Variants in COLEC10 observed in about 807,000 individuals in gnomAD.
The protein encoded by COLEC10 is collectin subfamily member 10, also known as collectin-10.
A neutral mutation model predicts 28.4 loss-of-function variants in COLEC10; 22 were observed. The observed-to-expected ratio is 0.78, with a 90% CI of 0.55 to 1.11. The LOEUF (loss-of-function observed/expected upper bound fraction) is 1.11. Among genes scored for constraint, COLEC10 ranks in the 50% least tolerant of loss-of-function variants. The pLI is 0.00. For synonymous variants in COLEC10, 125 were observed against 116.1 expected, an observed-to-expected ratio of 1.08 and a Z score of -0.49; for missense variants, 361 against 344.1, an observed-to-expected ratio of 1.05 and a Z score of -0.39.
At chr8:119,086,382 G>A (rs1004212017) in intron 1 of COLEC10, among the ~76,000 whole-genome samples, 16 of 92,912 alleles carry the variant, frequency 1.7e-4, no homozygotes, top group African/African-American at 5.1e-4. Context: ...CCAGGTCGGC[G>A]GGGAGGTGGG....
chr8:118,974,293 G>T, the COLEC10 span, among the ~76,000 whole-genome samples: 1 of 151,896 alleles, frequency 6.6e-6, no homozygotes, highest in South Asian at 2.1e-4. Context: ...AATACATGAA[G>T]ACCTATTTGT....
chr8:118,975,841 T>C, the COLEC10 span, among the ~76,000 whole-genome samples: 2 of 151,954 alleles, frequency 1.3e-5, no homozygotes, highest in Admixed American at 6.6e-5. Flanking sequence ...GGAAAGAAGG[T>C]AGTGTTAATT....
At chr8:118,988,946 T>G in the COLEC10 span, among the ~76,000 whole-genome samples, 1 of 152,156 alleles carries the variant, frequency 6.6e-6, no homozygotes, top group Non-Finnish European at 1.5e-5. Flanking sequence ...TCATAAGGCA[T>G]GCCAAAAGGC....
At chr8:119,105,295 T>C (rs913053935) in intron 5 of COLEC10, among the ~76,000 whole-genome samples, 2 of 152,024 alleles carry the variant, frequency 1.3e-5, no homozygotes, top group Non-Finnish European at 2.9e-5. Context: ...AAAGGGGCAA[T>C]GGAAACTCGG....
At chr8:118,990,953 C>G (rs978751543), upstream of COLEC10, among the ~76,000 whole-genome samples, 14 of 150,858 alleles carry the variant, frequency 9.3e-5, no homozygotes, top group African/African-American at 3.2e-4. Context: ...AGTACTCTTT[C>G]TTTTAGGGAA....
At chr8:118,955,983 C>G in the COLEC10 span, among the ~76,000 whole-genome samples, 4 of 152,146 alleles carry the variant, frequency 2.6e-5, no homozygotes, top group Non-Finnish European at 5.9e-5. Context: ...AACTGGGTGT[C>G]AAATTTAAGC....
intron 2 of COLEC10, among the ~76,000 whole-genome samples, chr8:119,026,941 G>T (rs1814202377): frequency 6.6e-6 from 1 of 152,152 alleles, no homozygotes; most frequent in Admixed American, 6.5e-5. Context: ...GAGGCTGATT[G>T]CTGGGGGCTG....
chr8:119,054,122 G>A (rs1338259659), intron 2 of COLEC10, among the ~76,000 whole-genome samples: 1 of 152,014 alleles, frequency 6.6e-6, no homozygotes, highest in Non-Finnish European at 1.5e-5. Context: ...TAACGACCAG[G>A]TAGCTAGTCA....
chr8:119,017,069 T>G (rs1814004436), intron 2 of COLEC10, among the ~76,000 whole-genome samples: 1 of 152,190 alleles, frequency 6.6e-6, no homozygotes, highest in African/African-American at 2.4e-5. Flanking sequence ...TATCTCATTG[T>G]GGTTTTGATT....
chr8:119,096,000 T>G (rs1815708541), intron 3 of COLEC10, among the ~76,000 whole-genome samples: 1 of 152,158 alleles, frequency 6.6e-6, no homozygotes, highest in African/African-American at 2.4e-5. Flanking sequence ...GACACTATTT[T>G]GTAATAGAAT....
At chr8:119,098,783 C>T (rs1301485249) in intron 3 of COLEC10, among the ~76,000 whole-genome samples, 4 of 152,074 alleles carry the variant, frequency 2.6e-5, no homozygotes, top group Non-Finnish European at 4.4e-5. Flanking sequence ...TTCTTCCTCT[C>T]CAGAGATATG....
intron 2 of COLEC10, among the ~76,000 whole-genome samples, chr8:119,044,580 T>C (rs7016223): frequency 0.61 from 92,789 of 151,964 alleles, 30,140 homozygotes; most frequent in African/African-American, 0.85. Flanking sequence ...CATGGTGGCT[T>C]ATGCCTGTAA....
At chr8:119,021,574 C>T (rs1334546557) in intron 2 of COLEC10, among the ~76,000 whole-genome samples, 1 of 152,132 alleles carries the variant, frequency 6.6e-6, no homozygotes, top group Non-Finnish European at 1.5e-5. Context: ...AATGAGTGTG[C>T]ATCTTGGGTT....
chr8:118,983,336 C>T, the COLEC10 span, among the ~76,000 whole-genome samples: 5 of 152,028 alleles, frequency 3.3e-5, no homozygotes, highest in African/African-American at 7.2e-5. Context: ...ACTTTGAAGG[C>T]TAGTGAAGAT....
intron 2 of COLEC10, among the ~76,000 whole-genome samples, chr8:119,015,671 G>A (rs372261853): frequency 6.6e-6 from 1 of 152,240 alleles, no homozygotes; most frequent in South Asian, 2.1e-4. Flanking sequence ...TACTGTGCTG[G>A]TTCCTGTGAA....
At chr8:119,092,332 A>C (rs897520736) in intron 3 of COLEC10, among the ~76,000 whole-genome samples, 1 of 152,056 alleles carries the variant, frequency 6.6e-6, no homozygotes, top group African/African-American at 2.4e-5. Flanking sequence ...TTGGCCTCCC[A>C]ATATGCTGGG....
At chr8:118,984,424 C>T in the COLEC10 span, among the ~76,000 whole-genome samples, 1 of 152,016 alleles carries the variant, frequency 6.6e-6, no homozygotes, top group Non-Finnish European at 1.5e-5. Context: ...CTATATAACA[C>T]ACCCCCATGA....
rs1008028866 is a variant in COLEC10, at chr8:119,106,875, C to G, written c.*684C>G. 6.6e-6 allele frequency among the ~76,000 whole-genome samples: 1 copy of G among 152,092 alleles called. No homozygotes were observed. Among genetic ancestry groups the G allele is most frequent in the Non-Finnish European group, 1.5e-5 (1 of 68,016 alleles). ...ACATATACCAAGTAGGTGCTTTGAACCCCTTTCTGTAGGCTCACACCTTAA... is the reference window on the plus strand; with the variant it reads ...ACATATACCAAGTAGGTGCTTTGAAGCCCTTTCTGTAGGCTCACACCTTAA... On this transcript the variant is annotated 3_prime_UTR_variant, in exon 6 of 6. Coordinates refer to ENST00000332843, the MANE Select transcript of COLEC10 (RefSeq NM_006438.5).
the COLEC10 span, among the ~76,000 whole-genome samples, chr8:118,960,572 C>T: frequency 2.6e-4 from 39 of 151,878 alleles, no homozygotes; most frequent in Non-Finnish European, 3.8e-4. Flanking sequence ...ATCACGAGGT[C>T]GAGAGATCGA....
Sources: allele counts gnomAD v4.1 joint callset (sites outside exome capture counted in the v4.1 genomes callset), GRCh38; gene constraint gnomAD v4.1.1; transcripts MANE v1.5; gene names NCBI Gene and HGNC (gene_info 2026-07-23, HGNC 2026-07-21).